The following ATF6B variants were observed in gnomAD, a reference collection of about 807,000 sequenced individuals.
ATF6B encodes activating transcription factor 6 beta, also known as cyclic AMP-dependent transcription factor ATF-6 beta.
ATF6B carries 50 observed loss-of-function variants against 83.5 expected under a neutral mutation model. That is an observed-to-expected ratio of 0.60 (90% CI 0.48 to 0.76). The LOEUF is 0.76. ATF6B is among the 30% of genes least tolerant of loss of function. ATF6B has a pLI of 0.00. For synonymous variants in ATF6B, 344 were observed against 362.8 expected (o/e 0.95, Z 0.59); for missense variants, 790 against 893.8 (o/e 0.88, Z 1.48).
At position 32,118,144 on chromosome 6, in the gene ATF6B, T is replaced by C; in HGVS notation, c.1245-106A>G. ...GGACTGCTTGAGTTGCAATCTGTTA[T>C]ACAAGCCTGAGTCTGCCTCTGTAAG... On this transcript the variant is annotated intron_variant, in intron 11 of 17. Transcript: ENST00000375203. The surrounding 1 kb of genome is among the most constrained non-coding windows in gnomAD (Gnocchi z 5.2). 7.2e-7 allele frequency: 1 copy of C among 1,382,162 alleles called. No homozygotes were observed. The highest frequency in any genetic ancestry group is 1.4e-5 in the African/African-American group (1 of 70,706). 85.6% of individuals were successfully genotyped at this position (1,382,162 alleles called of 1,614,324 possible).
intron 2 of ATF6B, 40 bp from the exon 3 acceptor site, chr6:32,127,560 A>G (rs1782035530): frequency 1.9e-6 from 3 of 1,609,286 alleles, no homozygotes; most frequent in East Asian, 2.2e-5. Flanking sequence ...AGTGTGAGAA[A>G]GGATGAGAAA....
At position 32,117,471 on chromosome 6, in the gene ATF6B, C is replaced by T. The variant is rs1781576292; in HGVS notation, c.1533-67G>A. 1 of 1,598,458 alleles carries T rather than the reference C, an allele frequency of 6.3e-7. No individual in the cohort carries two copies. Among genetic ancestry groups the T allele is most frequent in the South Asian group, 1.1e-5 (1 of 89,872 alleles). On this transcript the variant is annotated intron_variant, in intron 13 of 17. Coordinates refer to ENST00000375203, the MANE Select transcript of ATF6B (RefSeq NM_004381.5). This position sits in a 1 kb window ranked among gnomAD's most constrained non-coding sequence, Gnocchi z 5.0. ...GATTCCCACCCTCCTTGCCCACCCA[C>T]AGGAGTGAGGAGAGGGCAGGGAGCA...
rs1462238206 is a variant in ATF6B, at chr6:32,121,247, G to A, written c.564+16C>T. On this transcript the variant is annotated intron_variant, in intron 6 of 17. Transcript: ENST00000375203. ...TCACTGGAAAACCTGGAGGAAGGAA[G>A]GAAGGTGGTGCTCACCTGGCTGGAG... 4 of 1,613,582 alleles carry A rather than the reference G, an allele frequency of 2.5e-6. No individual in the cohort carries two copies. Among genetic ancestry groups the A allele is most frequent in the Non-Finnish European group, 3.4e-6 (4 of 1,179,740 alleles).
chr6:32,125,751 ACT>A lies in ATF6B; in HGVS notation c.478+364_478+365del, dbSNP rs756330971. 2.6e-5 allele frequency among the ~76,000 whole-genome samples: 4 copies of A among 152,238 alleles called. No individual in the cohort carries two copies. Among genetic ancestry groups the A allele is most frequent in the East Asian group, 1.9e-4 (1 of 5,194 alleles). The stretch of plus-strand genomic sequence containing the variant: ...ACTTCAGCCCGAGCGACAGTGTGAG[ACT>A]CTGTCTCAACAACAACAAAAATGTT... On this transcript the variant is annotated intron_variant, in intron 5 of 17. Transcript: ENST00000375203. This position sits in a 1 kb window ranked among gnomAD's most constrained non-coding sequence, Gnocchi z 4.1.
At chr6:32,127,379 C>G in intron 3 of ATF6B, 63 bp downstream of exon 3, 3 of 1,544,718 alleles carry the variant, frequency 1.9e-6, no homozygotes, top group Non-Finnish European at 1.8e-6. Context: ...TACGTAGTTT[C>G]TGGGAAACAG....
Position 32,118,841 on chromosome 6 carries a change from C to T in ATF6B, c.1178G>A (p.Gly393Glu). Reference protein sequence around the residue: ...AENSELKLGSGNRKVVCIMVF... With the variant: ...AENSELKLGSENRKVVCIMVF... ...CATGATGCAGACCACCTTCCTGTTT[C>T]CAGACCCTAACTTGAGCTCGCTGTT... Residue 393 changes from glycine to glutamate, a missense_variant, in exon 11 of 18, where the codon GGA (glycine) becomes GAA (glutamate). By Grantham distance (98) the Gly-to-Glu change is moderately conservative. Around this residue, in one of 3 missense-constraint regions of ATF6B, gnomAD observed 530 missense variants for 632.6 expected, o/e 0.84. Transcript: ENST00000375203. This position sits in a 1 kb window ranked among gnomAD's most constrained non-coding sequence, Gnocchi z 5.2. 1 of 1,614,220 alleles carries T rather than the reference C, an allele frequency of 6.2e-7. No homozygotes were observed. The highest frequency in any genetic ancestry group is 8.5e-7 in the Non-Finnish European group (1 of 1,180,028).
chr6:32,121,186 A>C (rs760004599), intron 6 of ATF6B, 62 bp from the exon 7 acceptor site: 99 of 1,609,636 alleles, frequency 6.2e-5, no homozygotes, highest in Non-Finnish European at 8.0e-5. Context: ...GGAGCTGAAG[A>C]AGGGAAAGCT....
At position 32,116,803 on chromosome 6, in the gene ATF6B, G is replaced by A. The variant is rs761788684; in HGVS notation, c.1698C>T (p.Gly566=). 8 of 1,614,110 alleles carry A rather than the reference G, an allele frequency of 5.0e-6. No individual in the cohort carries two copies. Among genetic ancestry groups the A allele is most frequent in the Non-Finnish European group, 6.8e-6 (8 of 1,180,002 alleles). ...PPGPPERDSV[G]QLQLYRHPDR... The stretch of plus-strand genomic sequence containing the variant: ...CTGGGTGGCGATATAGTTGCAGCTG[G>A]CCCACAGAATCCCTAGGCAGGTGGG... The change falls in exon 16 of 18, where the codon GGC becomes GGT. Residue 566 remains glycine, a synonymous_variant. Coordinates refer to ENST00000375203, the MANE Select transcript of ATF6B (RefSeq NM_004381.5). This position sits in a 1 kb window ranked among gnomAD's most constrained non-coding sequence, Gnocchi z 5.1.
rs901642482 is a variant in ATF6B at position 32,119,699 on chromosome 6, G to T, written c.966+125C>A. 8.1e-6 allele frequency: 11 copies of T among 1,359,456 alleles called. No individual in the cohort carries two copies. Among genetic ancestry groups the T allele is most frequent in the East Asian group, 7.1e-5 (3 of 42,220 alleles). The allele number at this position is 1,359,456 out of a possible 1,614,324, so 84.2% of individuals were successfully genotyped here. ...TTCTGACCCTCAGAATGATCTAATG[G>T]GTCCGTTTCCTCACTTTTTTCTCCT... On this transcript the variant is annotated intron_variant, in intron 9 of 17. Transcript: ENST00000375203. The surrounding 1 kb of genome is among the most constrained non-coding windows in gnomAD (Gnocchi z 4.9).
At position 32,115,731 on chromosome 6, in the gene ATF6B, G is replaced by T; in HGVS notation, c.*8C>A. ...CCCCCCGTTCTAAGTCAGTGTGAAT[G>T]GCAGAGGTCAGGGATGATTGAGGTA... On this transcript the variant is annotated 3_prime_UTR_variant, in exon 18 of 18. Transcript: ENST00000375203. 6.3e-7 allele frequency: 1 copy of T among 1,576,718 alleles called. No individual in the cohort carries two copies. The highest frequency in any genetic ancestry group is 8.6e-7 in the Non-Finnish European group (1 of 1,159,070).
chr6:32,115,856 C>G lies in ATF6B; in HGVS notation c.1995G>C (p.Ser665=). The G allele has an allele frequency of 6.2e-7, 1 of 1,614,092 alleles. No homozygotes were observed. The highest frequency in any genetic ancestry group is 8.5e-7 in the Non-Finnish European group (1 of 1,180,008). Residue 665 remains serine (S), a synonymous_variant, in exon 18 of 18, where the codon TCG becomes TCC. Coordinates refer to ENST00000375203, the MANE Select transcript of ATF6B (RefSeq NM_004381.5). ...IHIKTSTVPP[S]LRKQPSPTPG... is the part of the protein sequence containing the mutation. ...GGGTTGGGGATGGCTGTTTTCGGAG[C>G]GAGGGGGGCACTGTGGAGGTCTTGA...
Position 32,119,816 on chromosome 6 carries a change from A to G in ATF6B, c.966+8T>C, listed in dbSNP as rs776323989. ...ACTCGCCCTACTTCTCTCCTCCCCA[A>G]CACTTACATCCACTTCAGGCGGGCA... On this transcript the variant is annotated splice_region_variant and intron_variant, in intron 9 of 17. Transcript: ENST00000375203. The surrounding 1 kb of genome is among the most constrained non-coding windows in gnomAD (Gnocchi z 4.9). 4.2e-5 allele frequency: 67 copies of G among 1,613,252 alleles called. No homozygotes were observed. The highest frequency in any genetic ancestry group is 5.5e-5 in the Non-Finnish European group (65 of 1,179,566).
chr6:32,122,226 C>T (rs1781792764), intron 5 of ATF6B, among the ~76,000 whole-genome samples: 1 of 152,194 alleles, frequency 6.6e-6, no homozygotes, highest in Non-Finnish European at 1.5e-5. Flanking sequence ...TTCCTGATTG[C>T]CCCGTCACAC....
chr6:32,127,570 A>G, intron 2 of ATF6B, 50 bp from the exon 3 acceptor site: 2 of 1,608,970 alleles, frequency 1.2e-6, no homozygotes, highest in Non-Finnish European at 1.7e-6. Context: ...AGGATGAGAA[A>G]GTAGGGGTGA....
rs796445595 is a variant in ATF6B, at chr6:32,125,802, G to A, written c.478+315C>T. On this transcript the variant is annotated intron_variant, in intron 5 of 17. Transcript: ENST00000375203. The surrounding 1 kb of genome is among the most constrained non-coding windows in gnomAD (Gnocchi z 4.1). ...TTTATAATAAAATGTTGGGTGGAGG[G>A]GAATCACACAGATACATATGCCCTA... Among the ~76,000 whole-genome samples the A allele has an allele frequency of 4.6e-5, 7 of 152,108 alleles. No homozygotes were observed. Among genetic ancestry groups the A allele is most frequent in the African/African-American group, 1.4e-4 (6 of 41,474 alleles).
rs2127336283 is a variant in ATF6B, at chr6:32,118,982, G to A, written c.1126C>T (p.Arg376Trp). The change falls in exon 10 of 18, where the codon CGG becomes TGG. Residue 376 changes from arginine (R) to tryptophan (W), a missense_variant. Transcript: ENST00000375203. The surrounding 1 kb of genome is among the most constrained non-coding windows in gnomAD (Gnocchi z 5.2). ...QLRRENAALR[R>W]RLEALLAENS... ...TCAGCCAGCAGGGCCTCCAGCCGCC[G>A]CCGGAGGGCAGCATTCTCTCGGCGG... 2 of 1,614,060 alleles carry A rather than the reference G, an allele frequency of 1.2e-6. No homozygotes were observed. Among genetic ancestry groups the A allele is most frequent in the South Asian group, 2.2e-5 (2 of 91,082 alleles).
In ATF6B at chr6:32,116,666, C is replaced by T; in HGVS notation, c.1797+38G>A. On this transcript the variant is annotated intron_variant, in intron 16 of 17. Coordinates refer to ENST00000375203, the MANE Select transcript of ATF6B (RefSeq NM_004381.5). This position sits in a 1 kb window ranked among gnomAD's most constrained non-coding sequence, Gnocchi z 5.1. ...CCCACTGAAGACAGACTGCTGGGAACCTGGGGTGACAGAGATGGAAGGGCA... is the reference window on the plus strand; with the variant it reads ...CCCACTGAAGACAGACTGCTGGGAATCTGGGGTGACAGAGATGGAAGGGCA... 1 of 1,609,472 alleles carries T rather than the reference C, an allele frequency of 6.2e-7. No homozygotes were observed.
At position 32,117,189 on chromosome 6, in the gene ATF6B, C is replaced by T; in HGVS notation, c.1615-82G>A. ...AAACAGCCCCTGGAAGCTGATGCCA[C>T]CTCCCACTCAACCCTCCACTTCCTT... On this transcript the variant is annotated intron_variant, in intron 14 of 17. Coordinates refer to ENST00000375203, the MANE Select transcript of ATF6B (RefSeq NM_004381.5). This position sits in a 1 kb window ranked among gnomAD's most constrained non-coding sequence, Gnocchi z 5.0. 1.3e-6 allele frequency: 2 copies of T among 1,541,504 alleles called. No individual in the cohort carries two copies. Among genetic ancestry groups the T allele is most frequent in the Non-Finnish European group, 1.8e-6 (2 of 1,123,784 alleles).
chr6:32,120,882 T>C lies in ATF6B; in HGVS notation c.721A>G (p.Lys241Glu). Residue 241 changes from lysine to glutamate, a missense_variant, in exon 8 of 18, where the codon AAG becomes GAG. Lys to Glu is a moderately conservative substitution (Grantham distance 56). This residue lies in a region of ATF6B where 530 missense variants were observed against 632.6 expected (regional missense o/e 0.84). Transcript: ENST00000375203. ...GSSGKALPTR[K>E]PPLQPKPVVL... ...ACAGGTTTGGGCTGCAGTGGCGGCT[T>C]CCGGGTGGGCAGGGCTTTGCCTGAA... 1.3e-6 allele frequency: 2 copies of C among 1,547,734 alleles called. No individual in the cohort carries two copies. The highest frequency in any genetic ancestry group is 1.7e-6 in the Non-Finnish European group (2 of 1,148,132).
Sources: gnomAD v4.1 joint callset for allele counts (sites outside exome capture counted in the v4.1 genomes callset) on GRCh38, gnomAD v4.1.1 for gene constraint, gnomAD v4.1.1 regional missense constraint, Gnocchi (gnomAD v3.1) non-coding constraint, MANE v1.5 for transcripts, NCBI Gene and HGNC (gene_info 2026-07-23, HGNC 2026-07-21) for gene names.